Variants in DPH6 observed in about 807,000 individuals in gnomAD.
DPH6 encodes diphthine--ammonia ligase.
Under a neutral mutation model 38.2 loss-of-function variants are expected in DPH6, and 33 were observed. That is an observed-to-expected ratio of 0.86 (90% CI 0.65 to 1.15). DPH6 has a LOEUF of 1.15. Ranked by LOEUF, DPH6 falls within the 50% of genes most tolerant of loss-of-function variation. The pLI, the probability that DPH6 is intolerant of heterozygous loss-of-function variation, is 0.00. For missense variants in DPH6, 325 were observed against 320.0 expected (o/e 1.02, Z -0.12); for synonymous variants, 108 against 103.0 (o/e 1.05, Z -0.30).
intron 3 of DPH6, among the ~76,000 whole-genome samples, chr15:35,359,201 C>G (rs2052592876): frequency 6.6e-6 from 1 of 152,018 alleles, no homozygotes; most frequent in Non-Finnish European, 1.5e-5. Flanking sequence ...CAGCTCCCAG[C>G]AAACCCAAGG....
At chr15:35,266,869 GT>G (rs1437681637) in intron 3 of DPH6, among the ~76,000 whole-genome samples, 1 of 152,116 alleles carries the variant, frequency 6.6e-6, no homozygotes, top group African/African-American at 2.4e-5. Context: ...CATTCAAGGA[GT>G]TTACATACAT....
chr15:35,511,180 T>TC (rs2054764806), intron 3 of DPH6, among the ~76,000 whole-genome samples: 1 of 152,166 alleles, frequency 6.6e-6, no homozygotes, highest in East Asian at 1.9e-4. Flanking sequence ...TTTAAGACTT[T>TC]CTAATCTAAG....
chr15:35,482,612 G>A (rs909574439), intron 3 of DPH6, among the ~76,000 whole-genome samples: 4 of 152,092 alleles, frequency 2.6e-5, no homozygotes, highest in African/African-American at 9.7e-5. Context: ...CAATTCAATG[G>A]GGAAAGGATA....
chr15:35,540,847 A>G (rs1449280174), intron 2 of DPH6, among the ~76,000 whole-genome samples: 1 of 152,136 alleles, frequency 6.6e-6, no homozygotes. Context: ...AACTCCAGTG[A>G]TGAAATTATA....
chr15:35,446,417 CAT>C (rs1241718022), intron 5 of DPH6, among the ~76,000 whole-genome samples: 2 of 151,598 alleles, frequency 1.3e-5, no homozygotes, highest in Non-Finnish European at 2.9e-5. Context: ...TTTTTATAGG[CAT>C]AGGTCTCCCT....
At chr15:35,357,215 G>T (rs2052569246) in intron 3 of DPH6, among the ~76,000 whole-genome samples, 1 of 152,232 alleles carries the variant, frequency 6.6e-6, no homozygotes, top group Non-Finnish European at 1.5e-5. Context: ...GGAATTCCCT[G>T]ACCCCTTGTG....
chr15:35,300,862 G>A (rs1435195305), intron 3 of DPH6, among the ~76,000 whole-genome samples: 4 of 152,144 alleles, frequency 2.6e-5, no homozygotes, highest in African/African-American at 7.2e-5. Context: ...ATTATGATGA[G>A]TCCTGTACTT....
chr15:35,232,668 A>G (rs759787314), intron 3 of DPH6, among the ~76,000 whole-genome samples: 7 of 152,184 alleles, frequency 4.6e-5, no homozygotes, highest in Non-Finnish European at 1.0e-4. Context: ...CCAAGATTCT[A>G]TAGGTAACTA....
At chr15:35,273,133 C>G (rs1235504186) in intron 3 of DPH6, among the ~76,000 whole-genome samples, 2 of 151,664 alleles carry the variant, frequency 1.3e-5, no homozygotes, top group African/African-American at 2.4e-5. Flanking sequence ...TAAGGTATTT[C>G]TTTAAAATTA....
chr15:35,314,332 T>G (rs2052169443), intron 3 of DPH6, among the ~76,000 whole-genome samples: 1 of 152,236 alleles, frequency 6.6e-6, no homozygotes, highest in Admixed American at 6.5e-5. Flanking sequence ...TAATGCATAT[T>G]TCTCATTTTT....
At chr15:35,473,020 A>G (rs1372998336) in intron 3 of DPH6, among the ~76,000 whole-genome samples, 6 of 152,052 alleles carry the variant, frequency 3.9e-5, no homozygotes, top group African/African-American at 1.4e-4. Context: ...GTTTCTTTTG[A>G]TTCTCTTAGG....
intron 5 of DPH6, among the ~76,000 whole-genome samples, chr15:35,429,513 A>G (rs558524330): frequency 6.6e-6 from 1 of 152,248 alleles, no homozygotes; most frequent in Admixed American, 6.5e-5. Flanking sequence ...TAGCTGTTTA[A>G]AAGAGTGAAA....
chr15:35,176,788 AATCT>A, the DPH6 span, among the ~76,000 whole-genome samples: 57 of 152,270 alleles, frequency 3.7e-4, no homozygotes, highest in East Asian at 9.1e-3. Flanking sequence ...TCTTTTAATG[AATCT>A]ATTGTCATTT....
chr15:35,360,874 G>A (rs2052608445), intron 3 of DPH6, among the ~76,000 whole-genome samples: 1 of 152,180 alleles, frequency 6.6e-6, no homozygotes, highest in Admixed American at 6.5e-5. Context: ...AATTGGGTGT[G>A]AGGTCAGCAG....
chr15:35,325,858 T>C (rs2052278015), downstream of DPH6, among the ~76,000 whole-genome samples: 1 of 151,838 alleles, frequency 6.6e-6, no homozygotes, highest in South Asian at 2.1e-4. Context: ...CTAGAATATA[T>C]AAAGAAATAA....
At chr15:35,204,879 G>C in the DPH6 span, among the ~76,000 whole-genome samples, 2 of 151,936 alleles carry the variant, frequency 1.3e-5, no homozygotes, top group Non-Finnish European at 2.9e-5. Context: ...TAATAGCTGT[G>C]TTTGTGTCTG....
At chr15:35,199,035 T>A in the DPH6 span, among the ~76,000 whole-genome samples, 2 of 152,104 alleles carry the variant, frequency 1.3e-5, no homozygotes. Flanking sequence ...TTCTCCTGCC[T>A]TAGCCTCCCG....
chr15:35,537,892 C>A (rs546163387), intron 3 of DPH6, among the ~76,000 whole-genome samples: 16 of 152,188 alleles, frequency 1.1e-4, no homozygotes, highest in African/African-American at 3.6e-4. Context: ...AAGCCTTTAA[C>A]GTATGCGTCC....
At chr15:35,251,585 C>A (rs2051674514) in intron 3 of DPH6, among the ~76,000 whole-genome samples, 1 of 152,144 alleles carries the variant, frequency 6.6e-6, no homozygotes, top group Non-Finnish European at 1.5e-5. Flanking sequence ...GTACCACATC[C>A]CCTTGCCACA....
Sources: allele counts gnomAD v4.1 joint callset (sites outside exome capture counted in the v4.1 genomes callset), GRCh38; gene constraint gnomAD v4.1.1; transcripts MANE v1.5; gene names NCBI Gene and HGNC (gene_info 2026-07-23, HGNC 2026-07-21).